Variants in ROBO2 observed in about 807,000 individuals in gnomAD.
ROBO2 encodes roundabout homolog 2.
In ROBO2, 53 loss-of-function variants were observed where a neutral mutation model predicts 160.8. The ratio of observed to expected loss-of-function variants is 0.33; its 90% CI spans 0.26 to 0.41. The LOEUF (loss-of-function observed/expected upper bound fraction) is 0.41. ROBO2 is among the 10% of genes least tolerant of loss of function. ROBO2 has a pLI of 1.00. For synonymous variants in ROBO2, 664 were observed against 611.7 expected (o/e 1.09, Z -1.26); for missense variants, 1,577 against 1,722.4 (o/e 0.92, Z 1.49).
At chr3:76,048,501 A>G (rs986881426) in intron 2 of ROBO2, among the ~76,000 whole-genome samples, 1 of 152,226 alleles carries the variant, frequency 6.6e-6, no homozygotes, top group Non-Finnish European at 1.5e-5. Context: ...TACTTAATAT[A>G]GTAAGCAGTA....
At chr3:77,559,508 G>A (rs1175863192) in intron 9 of ROBO2, among the ~76,000 whole-genome samples, 3 of 152,188 alleles carry the variant, frequency 2.0e-5, no homozygotes, top group African/African-American at 7.2e-5. Flanking sequence ...CAGTGGAGGA[G>A]AAATCTGTAG....
chr3:76,936,963 G>A (rs544560902), intron 2 of ROBO2, among the ~76,000 whole-genome samples: 4 of 152,000 alleles, frequency 2.6e-5, no homozygotes, highest in Non-Finnish European at 5.9e-5. Flanking sequence ...GAAGACTAGC[G>A]TCTAAATTAA....
At chr3:77,372,335 G>A (rs1265961691) in intron 2 of ROBO2, among the ~76,000 whole-genome samples, 2 of 152,108 alleles carry the variant, frequency 1.3e-5, no homozygotes, top group Non-Finnish European at 2.9e-5. Context: ...TATTTTGAGG[G>A]CTATTAAAAT....
chr3:77,246,431 C>T (rs1580344180), intron 2 of ROBO2, among the ~76,000 whole-genome samples: 1 of 151,630 alleles, frequency 6.6e-6, no homozygotes, highest in African/African-American at 2.4e-5. Flanking sequence ...TTTGTGGCTA[C>T]ACTCACTTTA....
intron 2 of ROBO2, among the ~76,000 whole-genome samples, chr3:76,182,943 G>T (rs1701579982): frequency 6.6e-6 from 1 of 152,126 alleles, no homozygotes; most frequent in African/African-American, 2.4e-5. Context: ...AAACTCTGTA[G>T]CTAAACATAA....
At chr3:76,734,213 T>G (rs552848445) in intron 2 of ROBO2, among the ~76,000 whole-genome samples, 3 of 152,168 alleles carry the variant, frequency 2.0e-5, no homozygotes, top group Non-Finnish European at 4.4e-5. Flanking sequence ...TTTATCAAGA[T>G]ATATGTTAAT....
chr3:77,405,473 G>A (rs767815273), intron 2 of ROBO2, among the ~76,000 whole-genome samples: 92 of 152,002 alleles, frequency 6.1e-4, no homozygotes, highest in Non-Finnish European at 1.1e-3. Flanking sequence ...GTTTTAAATA[G>A]CAGTTATGTC....
At chr3:76,181,576 T>G (rs1489375935) in intron 2 of ROBO2, among the ~76,000 whole-genome samples, 3 of 152,196 alleles carry the variant, frequency 2.0e-5, no homozygotes, top group Non-Finnish European at 1.5e-5. Flanking sequence ...TAATTGCATT[T>G]AGGATATTTC....
chr3:76,212,263 C>T (rs1703191997), intron 2 of ROBO2, among the ~76,000 whole-genome samples: 1 of 151,830 alleles, frequency 6.6e-6, no homozygotes, highest in Admixed American at 6.6e-5. Flanking sequence ...AATAACGGAA[C>T]ATGGTCCTTC....
intron 2 of ROBO2, among the ~76,000 whole-genome samples, chr3:76,489,046 C>G (rs1487557980): frequency 2.2e-5 from 3 of 137,252 alleles, no homozygotes; most frequent in Non-Finnish European, 4.6e-5. Context: ...GATCGCACCA[C>G]TGCACTCCAG....
intron 2 of ROBO2, among the ~76,000 whole-genome samples, chr3:76,294,475 C>T (rs1708968368): frequency 6.6e-6 from 1 of 152,060 alleles, no homozygotes; most frequent in Non-Finnish European, 1.5e-5. Context: ...CTTAATTGGC[C>T]CCAAATATCC....
intron 1 of ROBO2, among the ~76,000 whole-genome samples, chr3:77,081,868 G>A (rs1008037929): frequency 6.6e-6 from 1 of 152,118 alleles, no homozygotes; most frequent in African/African-American, 2.4e-5. Flanking sequence ...GGTGGTTTTG[G>A]TAATCACTCT....
chr3:76,714,833 G>A (rs774793439), intron 2 of ROBO2, among the ~76,000 whole-genome samples: 3 of 152,082 alleles, frequency 2.0e-5, no homozygotes, highest in East Asian at 3.9e-4. Flanking sequence ...AGAGACTTAC[G>A]GTTCTGCCAC....
intron 2 of ROBO2, among the ~76,000 whole-genome samples, chr3:76,942,184 G>T (rs1324167492): frequency 3.9e-5 from 6 of 152,164 alleles, no homozygotes; most frequent in African/African-American, 1.4e-4. Flanking sequence ...TCAGTAGTTT[G>T]TACTTTAAAC....
At chr3:76,778,158 T>C (rs2062400798) in intron 2 of ROBO2, among the ~76,000 whole-genome samples, 1 of 151,100 alleles carries the variant, frequency 6.6e-6, no homozygotes, top group Non-Finnish European at 1.5e-5. Context: ...TCTTCTCTTG[T>C]TCTGTTGTAG....
At chr3:77,417,989 T>C (rs1205819590) in intron 2 of ROBO2, among the ~76,000 whole-genome samples, 1 of 152,106 alleles carries the variant, frequency 6.6e-6, no homozygotes, top group Non-Finnish European at 1.5e-5. Flanking sequence ...TATTATTGAC[T>C]AAAGTCTCTG....
chr3:75,925,182 C>G (rs1947238754), intron 1 of ROBO2, among the ~76,000 whole-genome samples: 1 of 151,882 alleles, frequency 6.6e-6, no homozygotes, highest in Admixed American at 6.6e-5. Context: ...TGCTTGAGCC[C>G]AGGAGTTTCA....
intron 2 of ROBO2, among the ~76,000 whole-genome samples, chr3:76,276,982 A>G (rs575282965): frequency 6.6e-6 from 1 of 152,122 alleles, no homozygotes; most frequent in South Asian, 2.1e-4. Flanking sequence ...CATTATACAC[A>G]TGTCCTGAAT....
At chr3:77,142,281 T>C (rs907521074) in intron 2 of ROBO2, among the ~76,000 whole-genome samples, 4 of 152,246 alleles carry the variant, frequency 2.6e-5, no homozygotes, top group Non-Finnish European at 1.5e-5. Flanking sequence ...CTGTATTTGA[T>C]AAAGTCTTAA....
Sources: allele counts gnomAD v4.1 joint callset (sites outside exome capture counted in the v4.1 genomes callset), GRCh38; gene constraint gnomAD v4.1.1; transcripts MANE v1.5; gene names NCBI Gene and HGNC (gene_info 2026-07-23, HGNC 2026-07-21).